MINPP1: variants seen among roughly 807,000 people sequenced by gnomAD.
MINPP1 encodes the protein multiple inositol polyphosphate phosphatase 1.
Under a neutral mutation model 46.1 loss-of-function variants are expected in MINPP1, and 28 were observed. The ratio of observed to expected loss-of-function variants is 0.61; its 90% CI spans 0.45 to 0.83. The LOEUF is 0.83. Among genes scored for constraint, MINPP1 ranks in the 40% least tolerant of loss-of-function variants. MINPP1 has a pLI of 0.00. For synonymous variants in MINPP1, 268 were observed against 249.1 expected (o/e 1.08, Z -0.72); for missense variants, 603 against 610.0 (o/e 0.99, Z 0.12).
intron 4 of MINPP1, among the ~76,000 whole-genome samples, chr10:87,537,584 T>C (rs998152878): frequency 6.6e-6 from 1 of 151,536 alleles, no homozygotes; most frequent in Non-Finnish European, 1.5e-5. Flanking sequence ...AGATTTATGC[T>C]CTATAGGAAT....
intron 4 of MINPP1, 110 bp from the exon 5 acceptor site, chr10:87,551,972 G>A (rs1199658029): frequency 8.2e-6 from 7 of 852,770 alleles, no homozygotes; most frequent in Non-Finnish European, 1.2e-5. Context: ...TAAAAAAATA[G>A]ATGGGATTAT....
At position 87,504,953 on chromosome 10, in the gene MINPP1, T is replaced by G; in HGVS notation, c.38T>G (p.Val13Gly). The change falls in exon 1 of 5, where the codon GTA (valine) becomes GGA (glycine). Residue 13 changes from valine (V) to glycine (G), a missense_variant. By Grantham distance (109) the Val-to-Gly change is moderately radical. This residue lies in a region of MINPP1 where 239 missense variants were observed against 189.4 expected (regional missense o/e 1.26). Coordinates refer to ENST00000371996, the MANE Select transcript of MINPP1 (RefSeq NM_004897.5). ...CCCGGCTGCCTCCTCCGGACCTCCG[T>G]AGCGCCTGCCGCGGCCCTGGCTGCG... ...RAPGCLLRTS[V>G]APAAALAAAL... 6.2e-7 allele frequency: 1 copy of G among 1,611,824 alleles called. No individual in the cohort carries two copies. The highest frequency in any genetic ancestry group is 8.5e-7 in the Non-Finnish European group (1 of 1,179,474).
At chr10:87,535,734 C>T (rs1331449611) in intron 4 of MINPP1, among the ~76,000 whole-genome samples, 2 of 151,430 alleles carry the variant, frequency 1.3e-5, no homozygotes, top group Non-Finnish European at 2.9e-5. Flanking sequence ...TTGAGACCAG[C>T]GTGGGCAACA....
intron 4 of MINPP1, among the ~76,000 whole-genome samples, chr10:87,539,078 G>A (rs915384155): frequency 1.2e-4 from 19 of 152,144 alleles, no homozygotes; most frequent in African/African-American, 4.3e-4. Context: ...TAAGTAAAAG[G>A]AGGGGTGTAA....
chr10:87,504,898 C>G lies in MINPP1; in HGVS notation c.-18C>G. 1.9e-6 allele frequency: 3 copies of G among 1,607,772 alleles called. No homozygotes were observed. The highest frequency in any genetic ancestry group is 1.1e-5 in the South Asian group (1 of 90,616). On this transcript the variant is annotated 5_prime_UTR_variant, in exon 1 of 5. Coordinates refer to ENST00000371996, the MANE Select transcript of MINPP1 (RefSeq NM_004897.5). ...GCATCTGCAGCTGGCTCGGCGCACTCCACTGACCGTCCCGACGATGCTACG... is the reference window on the plus strand; with the variant it reads ...GCATCTGCAGCTGGCTCGGCGCACTGCACTGACCGTCCCGACGATGCTACG...
In MINPP1 at chr10:87,505,840, A is replaced by T. The variant is rs74150472; in HGVS notation, c.637+288A>T. ...TTGGGGATCCAACAGGAAAGGGGAC[A>T]GACGAGGTCTCCCGCAATTTTTGCG... is the stretch of plus-strand genomic sequence containing the variant. On this transcript the variant is annotated intron_variant, in intron 1 of 4. Transcript: ENST00000371996. The surrounding 1 kb of genome is among the most constrained non-coding windows in gnomAD (Gnocchi z 4.4). Among the ~76,000 whole-genome samples the T allele has an allele frequency of 0.03, 4,541 of 152,250 alleles. 218 individuals are homozygous for T. Among genetic ancestry groups the T allele is most frequent in the African/African-American group, 0.098 (4,082 of 41,518 alleles).
intron 1 of MINPP1, among the ~76,000 whole-genome samples, chr10:87,506,418 A>G (rs1445354289): frequency 6.6e-6 from 1 of 152,168 alleles, no homozygotes; most frequent in African/African-American, 2.4e-5. Flanking sequence ...CCTCATGCCT[A>G]TTGTATGCCA....
intron 3 of MINPP1, among the ~76,000 whole-genome samples, chr10:87,520,782 G>T (rs1405384282): frequency 1.3e-5 from 2 of 152,046 alleles, no homozygotes; most frequent in African/African-American, 4.8e-5. Context: ...TGGATGATTG[G>T]CTGTGAGCAC....
chr10:87,523,916 G>A (rs1851538118), intron 4 of MINPP1, among the ~76,000 whole-genome samples: 1 of 152,204 alleles, frequency 6.6e-6, no homozygotes, highest in South Asian at 2.1e-4. Flanking sequence ...TGTAAAAATA[G>A]ATGTGCTGTC....
chr10:87,526,799 G>A (rs998389256), intron 4 of MINPP1, among the ~76,000 whole-genome samples: 1 of 152,224 alleles, frequency 6.6e-6, no homozygotes, highest in Non-Finnish European at 1.5e-5. Flanking sequence ...TTATTAAATA[G>A]GGAATCCTTT....
At chr10:87,519,492 C>T (rs745432435) in intron 3 of MINPP1, among the ~76,000 whole-genome samples, 46 of 152,124 alleles carry the variant, frequency 3.0e-4, no homozygotes, top group African/African-American at 1.1e-3. Context: ...ATTTATAACC[C>T]GTTTATTCAT....
chr10:87,537,630 A>T (rs1283249899), intron 4 of MINPP1, among the ~76,000 whole-genome samples: 7 of 151,274 alleles, frequency 4.6e-5, no homozygotes, highest in South Asian at 4.2e-4. Flanking sequence ...TTTCTTAAAA[A>T]ATATATATAT....
At chr10:87,551,790 T>G (rs1018616828) in intron 4 of MINPP1, among the ~76,000 whole-genome samples, 2 of 152,154 alleles carry the variant, frequency 1.3e-5, no homozygotes, top group African/African-American at 4.8e-5. Flanking sequence ...AGTTCCCATA[T>G]CTATAAGACA....
intron 2 of MINPP1, among the ~76,000 whole-genome samples, chr10:87,510,996 A>G (rs1851326653): frequency 6.6e-6 from 1 of 152,204 alleles, no homozygotes; most frequent in East Asian, 1.9e-4. Context: ...TTAATGAAAA[A>G]TAGTATCTAG....
rs1332710680 is a variant in MINPP1 at position 87,511,728 on chromosome 10, C to T, written c.836-1396C>T. On this transcript the variant is annotated intron_variant, in intron 2 of 4. Coordinates refer to ENST00000371996, the MANE Select transcript of MINPP1 (RefSeq NM_004897.5). ...GAGTTTTTTGGTGAATTTTTTTTTT[C>T]TGGTAAACTCTCTTCCGGTTTAAGA... Among the ~76,000 whole-genome samples, 3 of 151,100 alleles carry T rather than the reference C, an allele frequency of 2.0e-5. No individual in the cohort carries two copies. The East Asian group carries it at 5.8e-4, about 29-fold the overall frequency.
Position 87,547,116 on chromosome 10 carries a change from A to T in MINPP1, c.1068-4966A>T, listed in dbSNP as rs561934155. 3.5e-4 allele frequency among the ~76,000 whole-genome samples: 54 copies of T among 152,120 alleles called. 1 individual carries two copies. Among genetic ancestry groups the T allele is most frequent in the African/African-American group, 1.3e-3 (52 of 41,510 alleles). On this transcript the variant is annotated intron_variant, in intron 4 of 4. Transcript: ENST00000371996. Reference sequence around the variant, plus strand: ...AGAACTGATTTGATTTTAAATTATTATTATTTTTTTTCCAAGACAGATTCT... The same window carrying T: ...AGAACTGATTTGATTTTAAATTATTTTTATTTTTTTTCCAAGACAGATTCT...
At chr10:87,547,256 A>G (rs1207143102) in intron 4 of MINPP1, among the ~76,000 whole-genome samples, 1 of 152,124 alleles carries the variant, frequency 6.6e-6, no homozygotes, top group African/African-American at 2.4e-5. Flanking sequence ...GACTACAGTC[A>G]TGTGCCACCA....
chr10:87,535,148 AG>A (rs1242063971), intron 4 of MINPP1, among the ~76,000 whole-genome samples: 1 of 152,252 alleles, frequency 6.6e-6, no homozygotes, highest in Non-Finnish European at 1.5e-5. Flanking sequence ...GTAAGATGTA[AG>A]GTGAGCCTTA....
intron 4 of MINPP1, among the ~76,000 whole-genome samples, chr10:87,528,576 G>T (rs1446948478): frequency 6.6e-6 from 1 of 152,230 alleles, no homozygotes; most frequent in Non-Finnish European, 1.5e-5. Context: ...CTGAGAGACA[G>T]TTTGTTATAA....
Sources: allele counts gnomAD v4.1 joint callset (sites outside exome capture counted in the v4.1 genomes callset), GRCh38; gene constraint gnomAD v4.1.1; regional missense constraint gnomAD v4.1.1; non-coding constraint Gnocchi (gnomAD v3.1); transcripts MANE v1.5; gene names NCBI Gene and HGNC (gene_info 2026-07-23, HGNC 2026-07-21).